Variants in TEX261 observed in about 807,000 individuals in gnomAD.
TEX261 encodes protein TEX261.
A neutral mutation model predicts 25.1 loss-of-function variants in TEX261; 13 were observed. The ratio of observed to expected loss-of-function variants is 0.52; its 90% CI spans 0.34 to 0.82. TEX261 has a LOEUF of 0.82. Among genes scored for constraint, TEX261 ranks in the 40% least tolerant of loss-of-function variants. The pLI is 0.02. For synonymous variants in TEX261, 92 were observed against 97.8 expected, an observed-to-expected ratio of 0.94 and a Z score of 0.35; for missense variants, 206 against 243.2, an observed-to-expected ratio of 0.85 and a Z score of 1.02.
intron 4 of TEX261, 197 bp from the exon 5 acceptor site, chr2:70,989,214 G>A: frequency 1.6e-6 from 1 of 612,518 alleles, no homozygotes; most frequent in Non-Finnish European, 2.9e-6. Context: ...GAAAATGACT[G>A]AATGTGGCCA....
chr2:70,988,800 C>A, intron 5 of TEX261, 85 bp from the exon 6 acceptor site: 2 of 1,519,274 alleles, frequency 1.3e-6, no homozygotes, highest in Non-Finnish European at 1.8e-6. Context: ...CCCTCCCAAC[C>A]CCGAGTCCAG....
chr2:70,994,708 G>C lies in TEX261; in HGVS notation c.50C>G (p.Ala17Gly). Residue 17 changes from alanine to glycine, a missense_variant, in exon 1 of 6, where the codon GCC becomes GGC. Transcript: ENST00000272438. Reference sequence around the variant, plus strand: ...CTCACCGACAGCCAGCGTGATGAAGGCCACCTGGATGAAGAGCGACAGCCA... The same window carrying C: ...CTCACCGACAGCCAGCGTGATGAAGCCCACCTGGATGAAGAGCGACAGCCA... ...LSWLSLFIQV[A>G]FITLAVAAGL... is the part of the protein sequence containing the mutation. 1 of 1,605,652 alleles carries C rather than the reference G, an allele frequency of 6.2e-7. No homozygotes were observed. Among genetic ancestry groups the C allele is most frequent in the Non-Finnish European group, 8.5e-7 (1 of 1,176,950 alleles).
rs989614030 is a variant in TEX261 at position 70,988,593 on chromosome 2, A to G, written c.*7T>C. On this transcript the variant is annotated 3_prime_UTR_variant, in exon 6 of 6. Transcript: ENST00000272438. ...ATCTTGCCCCCCACATCCTGCCTGC[A>G]TGGGGGTCAGTATATCTTCTGACGA... is the stretch of plus-strand genomic sequence containing the variant. The G allele has an allele frequency of 6.2e-7, 1 of 1,601,422 alleles. No individual in the cohort carries two copies.
chr2:70,988,987 T>C lies in TEX261; in HGVS notation c.403A>G (p.Ile135Val), dbSNP rs782560339. 6.2e-7 allele frequency: 1 copy of C among 1,613,954 alleles called. No homozygotes were observed. Among genetic ancestry groups the C allele is most frequent in the Admixed American group, 1.7e-5 (1 of 59,972 alleles). Reference protein sequence around the residue: ...VLAYFTFCLWIIPFAFFVSLS... With the variant: ...VLAYFTFCLWVIPFAFFVSLS... ...GACACAAAAAACGCAAACGGAATTA[T>C]CCACAGGCAGAAAGTGAAATAGGCC... Residue 135 changes from isoleucine to valine, a missense_variant, in exon 5 of 6, where the codon ATA becomes GTA. Physicochemically the swap from Ile to Val is conservative, Grantham distance 29. Coordinates refer to ENST00000272438, the MANE Select transcript of TEX261 (RefSeq NM_144582.3).
rs1670232137 is a variant in TEX261 at position 70,988,440 on chromosome 2, C to T, written c.*160G>A. On this transcript the variant is annotated 3_prime_UTR_variant, in exon 6 of 6. Coordinates refer to ENST00000272438, the MANE Select transcript of TEX261 (RefSeq NM_144582.3). ...CTTGAAGCATCAGATCTGAGCCAAG[C>T]TGAGCCCCCCAAGGAGGGTGGGGAT... 2 of 618,752 alleles carry T rather than the reference C, an allele frequency of 3.2e-6. No individual in the cohort carries two copies. Among genetic ancestry groups the T allele is most frequent in the Non-Finnish European group, 5.8e-6 (2 of 346,830 alleles). 38.3% of individuals were successfully genotyped at this position (618,752 alleles called of 1,614,324 possible). A position where few individuals can be genotyped will look rare whatever the true frequency, so the allele number is the denominator to read the frequency against.
Position 70,988,119 on chromosome 2 carries a change from G to A in TEX261, c.*481C>T, listed in dbSNP as rs1416550206. ...CTGTCAGGGTATTAAGGCAAACAGT[G>A]CCACCTAGAAGCGAAGCTTTATTCA... On this transcript the variant is annotated 3_prime_UTR_variant, in exon 6 of 6. Transcript: ENST00000272438. The A allele has an allele frequency of 5.9e-6, 1 of 168,872 alleles. No homozygotes were observed. Among genetic ancestry groups the A allele is most frequent in the African/African-American group, 2.4e-5 (1 of 41,602 alleles). 10.5% of individuals were successfully genotyped at this position (168,872 alleles called of 1,614,324 possible). A position where few individuals can be genotyped will look rare whatever the true frequency, so the allele number is the denominator to read the frequency against.
chr2:70,990,914 T>C (rs1009190852), intron 3 of TEX261, among the ~76,000 whole-genome samples: 1 of 152,146 alleles, frequency 6.6e-6, no homozygotes, highest in African/African-American at 2.4e-5. Context: ...AATTCTTTGG[T>C]GAAATCACAC....
rs569291491 is a variant in TEX261 at position 70,993,799 on chromosome 2, C to T, written c.71-24G>A. 7.5e-5 allele frequency: 120 copies of T among 1,599,542 alleles called. 2 individuals carry two copies. In the South Asian group the frequency reaches 1.2e-3, roughly 16 times the overall value. On this transcript the variant is annotated intron_variant, in intron 1 of 5. Coordinates refer to ENST00000272438, the MANE Select transcript of TEX261 (RefSeq NM_144582.3). ...CGCTGCAGGGTGGGAGGCAGGGAGA[C>T]TATCAGCCAGGGTCACTCCCACCAT...
chr2:70,989,119 T>C, intron 4 of TEX261, 102 bp from the exon 5 acceptor site: 1 of 962,700 alleles, frequency 1.0e-6, no homozygotes. Context: ...GGGCCACACC[T>C]GATCTCCAAA....
chr2:70,989,067 G>A (rs1553425317), intron 4 of TEX261, 50 bp from the exon 5 acceptor site: 1 of 1,524,802 alleles, frequency 6.6e-7, no homozygotes, highest in Non-Finnish European at 9.0e-7. Flanking sequence ...TGCCAAGAGT[G>A]GGCTGGGTGT....
At chr2:70,988,772 G>A (rs1451649681) in intron 5 of TEX261, 57 bp from the exon 6 acceptor site, 30 of 1,503,154 alleles carry the variant, frequency 2.0e-5, no homozygotes, top group African/African-American at 1.2e-4. Flanking sequence ...GTGTGTGTGC[G>A]CATGTGTGTG....
chr2:70,989,402 G>A, intron 4 of TEX261: 1 of 409,252 alleles, frequency 2.4e-6, no homozygotes, highest in South Asian at 2.6e-5. Flanking sequence ...AACCTTGGCG[G>A]CCACTGGGAA....
Position 70,989,244 on chromosome 2 carries a change from G to A in TEX261, c.373-227C>T, listed in dbSNP as rs1553425333. On this transcript the variant is annotated intron_variant, in intron 4 of 5. Transcript: ENST00000272438. ...TGGCCACAAACCCCATATCTTGGTC[G>A]CTAGGACAAGCAACTCCCCTGGACT... The A allele has an allele frequency of 2.8e-5, 16 of 580,604 alleles. No homozygotes were observed. The East Asian group carries it at 3.5e-4, about 13-fold the overall frequency. 36.0% of individuals were successfully genotyped at this position (580,604 alleles called of 1,614,324 possible).
rs1553424888 is a variant in TEX261, at chr2:70,986,116, G to A, written c.*2484C>T. The A allele has an allele frequency of 6.6e-6, 1 of 152,316 alleles. No homozygotes were observed. The highest frequency in any genetic ancestry group is 1.5e-5 in the Non-Finnish European group (1 of 68,086). 9.4% of individuals were successfully genotyped at this position (152,316 alleles called of 1,614,324 possible). On this transcript the variant is annotated 3_prime_UTR_variant, in exon 6 of 6. Coordinates refer to ENST00000272438, the MANE Select transcript of TEX261 (RefSeq NM_144582.3). ...TGATCTGTGTAGTATGCCAGGGTGG[G>A]GGTCGGGAGGAGAGAGTATAGCCAA... is the stretch of plus-strand genomic sequence containing the variant.
At position 70,988,403 on chromosome 2, in the gene TEX261, A is replaced by T. The variant is rs527548182; in HGVS notation, c.*197T>A. The T allele has an allele frequency of 5.2e-6, 3 of 572,168 alleles. No homozygotes were observed. Among genetic ancestry groups the T allele is most frequent in the Non-Finnish European group, 9.4e-6 (3 of 319,704 alleles). The allele number at this position is 572,168 out of a possible 1,614,324, so 35.4% of individuals were successfully genotyped here. A position where few individuals can be genotyped will look rare whatever the true frequency, so the allele number is the denominator to read the frequency against. ...CTGCCACCCTCCTTGGTGCCCTCTG[A>T]GGTTACAGCCTCTTGAAGCATCAGA... On this transcript the variant is annotated 3_prime_UTR_variant, in exon 6 of 6. Coordinates refer to ENST00000272438, the MANE Select transcript of TEX261 (RefSeq NM_144582.3).
rs377308542 is a variant in TEX261, at chr2:70,988,762, G to C, written c.476-47C>G. The stretch of plus-strand genomic sequence containing the variant: ...TATGAGAGAGAGAGAGAGTGTGTGT[G>C]TGTGTGTGCGCATGTGTGTGAACAC... On this transcript the variant is annotated intron_variant, in intron 5 of 5. Coordinates refer to ENST00000272438, the MANE Select transcript of TEX261 (RefSeq NM_144582.3). 3 of 1,547,912 alleles carry C rather than the reference G, an allele frequency of 1.9e-6. No homozygotes were observed. In the African/African-American group the frequency reaches 4.1e-5, roughly 21 times the overall value.
At chr2:70,989,614 TTTTG>T in intron 4 of TEX261, 131 bp downstream of exon 4, 1 of 685,298 alleles carries the variant, frequency 1.5e-6, no homozygotes, top group Admixed American at 2.4e-5. Flanking sequence ...ACCATCTATG[TTTTG>T]TTTTTTTCAA....
chr2:70,992,135 C>A, intron 2 of TEX261, 152 bp from the exon 3 acceptor site: 1 of 622,060 alleles, frequency 1.6e-6, no homozygotes, highest in Non-Finnish European at 2.4e-6. Flanking sequence ...TCTCTGCTCC[C>A]AAAAGGCAAC....
In TEX261 at chr2:70,988,196, T is replaced by C. The variant is rs1255184343; in HGVS notation, c.*404A>G. ...TCACCGTTCAACAGCAAAAACTATT[T>C]CTGTTGGACATGCCAAGCCATGGCC... On this transcript the variant is annotated 3_prime_UTR_variant, in exon 6 of 6. Transcript: ENST00000272438. The C allele has an allele frequency of 5.4e-6, 1 of 186,154 alleles. No homozygotes were observed. The highest frequency in any genetic ancestry group is 2.4e-5 in the African/African-American group (1 of 42,134). The allele number at this position is 186,154 out of a possible 1,614,324, so 11.5% of individuals were successfully genotyped here.
Sources: gnomAD v4.1 joint callset for allele counts (sites outside exome capture counted in the v4.1 genomes callset) on GRCh38, gnomAD v4.1.1 for gene constraint, MANE v1.5 for transcripts, NCBI Gene and HGNC (gene_info 2026-07-23, HGNC 2026-07-21) for gene names.